The following IARS2 variants were observed in gnomAD, a reference collection of about 807,000 sequenced individuals.
IARS2 encodes isoleucyl-tRNA synthetase 2, mitochondrial, also known as isoleucine--tRNA ligase, mitochondrial.
In IARS2, 56 loss-of-function variants were observed where a neutral mutation model predicts 126.3. That is an observed-to-expected ratio of 0.44 (90% CI 0.36 to 0.55). The LOEUF (loss-of-function observed/expected upper bound fraction) is 0.55. Among genes scored for constraint, IARS2 ranks in the 20% least tolerant of loss-of-function variants. The pLI is 0.00. For missense variants in IARS2, 1,127 were observed against 1,245.9 expected (o/e 0.90, Z 1.44); for synonymous variants, 407 against 441.1 (o/e 0.92, Z 0.97).
rs865868745 is a variant in IARS2, at chr1:220,112,435, G to A, written c.1479+1498G>A. ...AGGCGTGAGCCACCGCGCCCGGCCC[G>A]ACCACCTACTTTTTACCCCTTAACA... On this transcript the variant is annotated intron_variant, in intron 11 of 22. Coordinates refer to ENST00000366922, the MANE Select transcript of IARS2 (RefSeq NM_018060.4). 1.3e-4 allele frequency among the ~76,000 whole-genome samples: 19 copies of A among 151,436 alleles called. 3 individuals are homozygous for A. Among genetic ancestry groups the A allele is most frequent in the African/African-American group, 2.2e-4 (9 of 41,168 alleles).
chr1:220,137,596 C>A (rs1216345617), intron 16 of IARS2: 5 of 206,178 alleles, frequency 2.4e-5, no homozygotes, highest in Non-Finnish European at 2.9e-5. Flanking sequence ...CTCTTCCCCT[C>A]CCTTATTATA....
At chr1:220,110,986 T>C in intron 11 of IARS2, 49 bp downstream of exon 11, 1 of 1,556,746 alleles carries the variant, frequency 6.4e-7, no homozygotes, top group Middle Eastern at 1.7e-4. Context: ...ATTCCCTCAG[T>C]ATAAAGGGGC....
At chr1:220,146,350 AC>A (rs1657588808) in intron 22 of IARS2, among the ~76,000 whole-genome samples, 1 of 151,896 alleles carries the variant, frequency 6.6e-6, no homozygotes, top group Admixed American at 6.6e-5. Context: ...CCCCGAATCT[AC>A]TAAAAATACA....
chr1:220,110,838 G>A lies in IARS2; in HGVS notation c.1380G>A (p.Val460=). 1 of 1,612,684 alleles carries A rather than the reference G, an allele frequency of 6.2e-7. No individual in the cohort carries two copies. The highest frequency in any genetic ancestry group is 2.2e-5 in the East Asian group (1 of 44,876). ...AKNLLKEEKL[V]HSYPYDWRTK... ...ATTTGTTGAAAGAGGAGAAATTGGT[G>A]CATAGCTATCCGTATGACTGGAGGA... Residue 460 remains valine, a synonymous_variant, in exon 11 of 23, where the codon GTG becomes GTA. Transcript: ENST00000366922.
chr1:220,118,097 G>A (rs777030660), intron 12 of IARS2: 2 of 447,914 alleles, frequency 4.5e-6, no homozygotes, highest in Non-Finnish European at 9.0e-6. Context: ...GGAATCAAAT[G>A]AGAGTCCAAG....
rs1351981406 is a variant in IARS2 at position 220,139,056 on chromosome 1, C to T, written c.2224C>T (p.Pro742Ser). 5.0e-6 allele frequency: 8 copies of T among 1,612,908 alleles called. No individual in the cohort carries two copies. The highest frequency in any genetic ancestry group is 5.9e-6 in the Non-Finnish European group (7 of 1,179,220). The change falls in exon 18 of 23, where the codon CCA becomes TCA. Residue 742 changes from proline to serine, a missense_variant. Transcript: ENST00000366922. ...TTTGGGAAATGTGGCTGATTTCAAC[C>T]CAGAAACAGATTCCATCCCTGTAAA... The part of the protein sequence containing the change: ...FLLGNVADFN[P>S]ETDSIPVNDM...
intron 14 of IARS2, among the ~76,000 whole-genome samples, chr1:220,129,819 G>A (rs1657223257): frequency 1.3e-5 from 2 of 152,188 alleles, no homozygotes; most frequent in Non-Finnish European, 1.5e-5. Context: ...TAAACATGGA[G>A]ATGCAGGTAT....
intron 15 of IARS2, among the ~76,000 whole-genome samples, chr1:220,136,436 T>A (rs973829573): frequency 6.6e-6 from 1 of 151,976 alleles, no homozygotes; most frequent in African/African-American, 2.4e-5. Context: ...CCAGCCGAAT[T>A]TGACTTTTAA....
intron 10 of IARS2, among the ~76,000 whole-genome samples, chr1:220,108,981 A>G (rs1028808412): frequency 6.6e-6 from 1 of 151,314 alleles, no homozygotes; most frequent in South Asian, 2.1e-4. Flanking sequence ...TCGGCCCCAA[A>G]GAGACTATAT....
At chr1:220,142,048 C>A in intron 20 of IARS2, 100 bp downstream of exon 20, 1 of 1,107,974 alleles carries the variant, frequency 9.0e-7, no homozygotes, top group Non-Finnish European at 1.3e-6. Flanking sequence ...TATCCATTTA[C>A]AGTGACTGCT....
chr1:220,105,798 T>C (rs1656667316), intron 8 of IARS2, 93 bp from the exon 9 acceptor site: 1 of 1,043,294 alleles, frequency 9.6e-7, no homozygotes, highest in Non-Finnish European at 1.5e-6. Flanking sequence ...TGTTCTAGAT[T>C]CTGCACATTT....
chr1:220,122,884 A>G (rs1657076365), intron 12 of IARS2, among the ~76,000 whole-genome samples: 1 of 151,586 alleles, frequency 6.6e-6, no homozygotes, highest in Non-Finnish European at 1.5e-5. Flanking sequence ...AAGCTGTTTT[A>G]CTGTTTTATT....
Position 220,143,030 on chromosome 1 carries a change from T to A in IARS2, c.2647T>A (p.Cys883Ser). The part of the protein sequence containing the change: ...PGLEEAVESA[C>S]AMRDSFLGSI... ...GTTGGAAGAAGCTGTGGAGAGTGCGTGTGCAATGCGAGACTCATTTCTTGG... is the reference window on the plus strand; with the variant it reads ...GTTGGAAGAAGCTGTGGAGAGTGCGAGTGCAATGCGAGACTCATTTCTTGG... The change falls in exon 21 of 23, where the codon TGT (cysteine) becomes AGT (serine). Residue 883 changes from cysteine (C) to serine (S), a missense_variant. By Grantham distance (112) the Cys-to-Ser change is moderately radical. Transcript: ENST00000366922. 1 of 1,614,182 alleles carries A rather than the reference T, an allele frequency of 6.2e-7. No individual in the cohort carries two copies. Among genetic ancestry groups the A allele is most frequent in the Non-Finnish European group, 8.5e-7 (1 of 1,180,008 alleles).
chr1:220,112,840 T>A (rs1215154332), intron 11 of IARS2, among the ~76,000 whole-genome samples: 1 of 151,762 alleles, frequency 6.6e-6, no homozygotes, highest in African/African-American at 2.4e-5. Context: ...ATTACAGGTG[T>A]CAGCCAAAGA....
chr1:220,133,156 G>A (rs142992641), intron 14 of IARS2, among the ~76,000 whole-genome samples: 3,011 of 151,810 alleles, frequency 0.02, 54 homozygotes, highest in African/African-American at 0.047. Context: ...GATTACAGGC[G>A]CCCACCACCG....
chr1:220,144,611 G>C (rs1404055796), intron 21 of IARS2, among the ~76,000 whole-genome samples: 3 of 152,080 alleles, frequency 2.0e-5, no homozygotes, highest in Admixed American at 2.0e-4. Flanking sequence ...ACCTAGACAG[G>C]GTAACACAGC....
At chr1:220,101,829 T>A (rs1211983472) in intron 3 of IARS2, among the ~76,000 whole-genome samples, 1 of 152,016 alleles carries the variant, frequency 6.6e-6, no homozygotes, top group Non-Finnish European at 1.5e-5. Context: ...TGAAACCCCG[T>A]CTCTACTAAA....
chr1:220,110,660 G>A (rs1656781199), intron 10 of IARS2, 126 bp from the exon 11 acceptor site: 1 of 702,048 alleles, frequency 1.4e-6, no homozygotes, highest in Non-Finnish European at 2.4e-6. Context: ...CACTGTGGCT[G>A]GCAAGGTGAC....
At chr1:220,120,897 G>C (rs937954396) in intron 12 of IARS2, among the ~76,000 whole-genome samples, 1 of 152,078 alleles carries the variant, frequency 6.6e-6, no homozygotes, top group African/African-American at 2.4e-5. Context: ...GCTTACTAAA[G>C]TGCATTTAGT....
Sources: allele counts gnomAD v4.1 joint callset (sites outside exome capture counted in the v4.1 genomes callset), GRCh38; gene constraint gnomAD v4.1.1; transcripts MANE v1.5; gene names NCBI Gene and HGNC (gene_info 2026-07-23, HGNC 2026-07-21).